The following STK24 variants were observed in gnomAD, a reference collection of about 807,000 sequenced individuals.
STK24 encodes the protein serine/threonine-protein kinase 24.
In STK24, 21 loss-of-function variants were observed where a neutral mutation model predicts 55.6. That is an observed-to-expected ratio of 0.38 (90% CI 0.27 to 0.54). STK24 has a LOEUF of 0.54. Among genes scored for constraint, STK24 ranks in the 20% least tolerant of loss-of-function variants. The pLI is 0.79. For missense variants in STK24, 383 were observed against 538.4 expected (o/e 0.71, Z 2.86); for synonymous variants, 200 against 215.2 (o/e 0.93, Z 0.62).
chr13:98,487,934 C>T (rs1461684360), intron 2 of STK24, among the ~76,000 whole-genome samples: 1 of 152,038 alleles, frequency 6.6e-6, no homozygotes, highest in African/African-American at 2.4e-5. Flanking sequence ...TGCTAATTTC[C>T]CCCTTTCCCA....
intron 8 of STK24, among the ~76,000 whole-genome samples, chr13:98,461,233 CAG>C (rs1893693171): frequency 6.6e-6 from 1 of 152,174 alleles, no homozygotes; most frequent in African/African-American, 2.4e-5. Context: ...GTAGGATCAA[CAG>C]GGGACAGCCA....
At chr13:98,572,010 C>T (rs1182392842) in intron 1 of STK24, among the ~76,000 whole-genome samples, 1 of 152,198 alleles carries the variant, frequency 6.6e-6, no homozygotes, top group Non-Finnish European at 1.5e-5. Flanking sequence ...GATGCAAGGC[C>T]TCCCCCAGGC....
intron 2 of STK24, among the ~76,000 whole-genome samples, chr13:98,515,984 T>C (rs923566274): frequency 1.6e-4 from 24 of 152,180 alleles, no homozygotes; most frequent in African/African-American, 5.6e-4. Flanking sequence ...CAAAGACCCA[T>C]TTGTCTTACA....
chr13:98,576,084 C>G (rs2139477420), intron 1 of STK24: 2 of 984,756 alleles, frequency 2.0e-6, no homozygotes, highest in Non-Finnish European at 2.4e-6. Flanking sequence ...GGCCCGGGAC[C>G]CTGGTGCGCG....
intron 3 of STK24, 120 bp downstream of exon 3, chr13:98,482,145 C>T: frequency 2.0e-6 from 1 of 503,380 alleles, no homozygotes; most frequent in Non-Finnish European, 3.5e-6. Flanking sequence ...TAGTTTGGTT[C>T]CTTTTTTAAT....
At position 98,512,579 on chromosome 13, in the gene STK24, T is replaced by G. The variant is rs1349698482; in HGVS notation, c.273+6664A>C. On this transcript the variant is annotated intron_variant, in intron 2 of 10. Transcript: ENST00000539966. ...AAACACACACAAAGTAAGTTTTTTT[T>G]TTTTTTTTTTAAAAAGGGAAAGCAA... Among the ~76,000 whole-genome samples, 10 of 152,104 alleles carry G rather than the reference T, an allele frequency of 6.6e-5. 1 individual carries two copies. Among genetic ancestry groups the G allele is most frequent in the East Asian group, 1.9e-4 (1 of 5,188 alleles).
intron 5 of STK24, among the ~76,000 whole-genome samples, chr13:98,473,379 G>A (rs1311532710): frequency 6.7e-6 from 1 of 149,874 alleles, no homozygotes; most frequent in Non-Finnish European, 1.5e-5. Context: ...TCGAGGTGGT[G>A]TCATCCAATG....
At chr13:98,533,133 C>T (rs1009254290) in intron 1 of STK24, among the ~76,000 whole-genome samples, 2 of 152,340 alleles carry the variant, frequency 1.3e-5, no homozygotes, top group African/African-American at 4.8e-5. Context: ...AATCCCAGCA[C>T]TTTGGGAGGC....
intron 1 of STK24, among the ~76,000 whole-genome samples, chr13:98,549,858 G>C (rs775869050): frequency 6.6e-6 from 1 of 152,104 alleles, no homozygotes; most frequent in Non-Finnish European, 1.5e-5. Flanking sequence ...GCCCCACCTC[G>C]AAACACAATT....
intron 1 of STK24, among the ~76,000 whole-genome samples, chr13:98,562,517 T>A (rs1210434126): frequency 6.6e-6 from 1 of 152,218 alleles, no homozygotes; most frequent in Non-Finnish European, 1.5e-5. Context: ...AGAAGAATTA[T>A]TTTCGGGGAA....
chr13:98,519,639 A>G (rs531881103), intron 1 of STK24, among the ~76,000 whole-genome samples, 166 bp from the exon 2 acceptor site: 4 of 152,322 alleles, frequency 2.6e-5, no homozygotes, highest in African/African-American at 9.6e-5. Context: ...CAGGTTCAGG[A>G]CATAAGATTC....
chr13:98,569,005 C>G (rs896181238), intron 1 of STK24, among the ~76,000 whole-genome samples: 45 of 152,256 alleles, frequency 3.0e-4, no homozygotes, highest in African/African-American at 1.1e-3. Context: ...ATGAAAAGAT[C>G]TGAGTCGCTT....
intron 1 of STK24, among the ~76,000 whole-genome samples, chr13:98,568,040 C>T (rs1204778791): frequency 6.6e-6 from 1 of 151,502 alleles, no homozygotes; most frequent in Non-Finnish European, 1.5e-5. Flanking sequence ...CGCTCTGTCG[C>T]CCAGGCTGGA....
intron 2 of STK24, among the ~76,000 whole-genome samples, chr13:98,493,095 G>A (rs867157449): frequency 9.9e-5 from 15 of 152,256 alleles, no homozygotes; most frequent in Middle Eastern, 3.4e-3. Flanking sequence ...AAAGGTTTAC[G>A]TGCCTCATTC....
chr13:98,503,024 G>GGTTT (rs759314930), intron 2 of STK24, among the ~76,000 whole-genome samples: 1 of 107,084 alleles, frequency 9.3e-6, no homozygotes, highest in Non-Finnish European at 1.8e-5. Flanking sequence ...CTTTCCATGT[G>GGTTT]TTTTTTTTTT....
At chr13:98,458,269 C>CA (rs1893549185) in intron 9 of STK24, among the ~76,000 whole-genome samples, 1 of 152,148 alleles carries the variant, frequency 6.6e-6, no homozygotes, top group Non-Finnish European at 1.5e-5. Flanking sequence ...AAGAGCTGTT[C>CA]AAGTCAAGAT....
intron 1 of STK24, among the ~76,000 whole-genome samples, chr13:98,559,261 T>A (rs1482715370): frequency 6.6e-6 from 1 of 152,128 alleles, no homozygotes; most frequent in African/African-American, 2.4e-5. Context: ...GTAGCTCCCA[T>A]AATCCCTATG....
At chr13:98,569,421 A>C (rs925110602) in intron 1 of STK24, among the ~76,000 whole-genome samples, 23 of 143,522 alleles carry the variant, frequency 1.6e-4, no homozygotes, top group African/African-American at 5.5e-4. Flanking sequence ...GACAAAAAAA[A>C]AAAAACAAAA....
chr13:98,466,313 G>A, intron 6 of STK24, 63 bp downstream of exon 6: 2 of 1,534,464 alleles, frequency 1.3e-6, no homozygotes, highest in Admixed American at 3.7e-5. Context: ...ATCCCAACAG[G>A]ATGTATCTCA....
Sources: gnomAD v4.1 joint callset for allele counts (sites outside exome capture counted in the v4.1 genomes callset) on GRCh38, gnomAD v4.1.1 for gene constraint, MANE v1.5 for transcripts, NCBI Gene and HGNC (gene_info 2026-07-23, HGNC 2026-07-21) for gene names.